CDH20: variants seen among roughly 807,000 people sequenced by gnomAD.
CDH20 encodes the protein cadherin-20.
In CDH20, 29 loss-of-function variants were observed where a neutral mutation model predicts 74.2. The ratio of observed to expected loss-of-function variants is 0.39; its 90% CI spans 0.29 to 0.53. The LOEUF is 0.53. Ranked by LOEUF, CDH20 falls within the 20% of genes least tolerant of loss-of-function variation. CDH20 has a pLI of 0.69. For synonymous variants in CDH20, 469 were observed against 405.4 expected, an observed-to-expected ratio of 1.16 and a Z score of -1.88; for missense variants, 988 against 1,048.3, an observed-to-expected ratio of 0.94 and a Z score of 0.79.
rs1240016370 is a variant in CDH20, at chr18:61,554,604, A to G, written c.2315A>G (p.Gln772Arg). 5 of 1,608,672 alleles carry G rather than the reference A, an allele frequency of 3.1e-6. No individual in the cohort carries two copies. Among genetic ancestry groups the G allele is most frequent in the South Asian group, 1.1e-5 (1 of 90,176 alleles). Residue 772 changes from glutamine to arginine, a missense_variant, in exon 12 of 12, where the codon CAG becomes CGG. Physicochemically the swap from Gln to Arg is conservative, Grantham distance 43 (BLOSUM62 1). Transcript: ENST00000262717. ...SLQSATSDSE[Q>R]SFDFLTDWGP... ...CAGTCGGCCACGTCGGACTCGGAAC[A>G]GAGCTTCGACTTCCTGACGGACTGG...
chr18:61,369,139 C>A (rs143039439), intron 1 of CDH20, among the ~76,000 whole-genome samples: 1 of 151,788 alleles, frequency 6.6e-6, no homozygotes, highest in Admixed American at 6.6e-5. Flanking sequence ...ACTCTGCATC[C>A]GGTGGATATG....
intron 6 of CDH20, among the ~76,000 whole-genome samples, chr18:61,508,961 A>G (rs568869999): frequency 5.3e-5 from 8 of 152,184 alleles, no homozygotes; most frequent in Non-Finnish European, 1.2e-4. Context: ...ATTCTAAGTG[A>G]TGTAACTCCA....
At chr18:61,440,379 G>T (rs1908988468) in intron 1 of CDH20, among the ~76,000 whole-genome samples, 1 of 152,104 alleles carries the variant, frequency 6.6e-6, no homozygotes, top group African/African-American at 2.4e-5. Context: ...AACGCTATCA[G>T]AGAAATAAAA....
Position 61,554,739 on chromosome 18 carries a change from C to A in CDH20, c.*44C>A. ...CGCGCGTCCAAATCCAGACGTTCTCCGCGGGTGCTTCGCGGACAAGGTGCA... is the reference window on the plus strand; with the variant it reads ...CGCGCGTCCAAATCCAGACGTTCTCAGCGGGTGCTTCGCGGACAAGGTGCA... On this transcript the variant is annotated 3_prime_UTR_variant, in exon 12 of 12. Transcript: ENST00000262717. 6.7e-7 allele frequency: 1 copy of A among 1,493,196 alleles called. No homozygotes were observed. The highest frequency in any genetic ancestry group is 8.9e-7 in the Non-Finnish European group (1 of 1,121,322). 92.5% of individuals were successfully genotyped at this position (1,493,196 alleles called of 1,614,324 possible).
rs144049380 is a variant in CDH20 at position 61,472,727 on chromosome 18, T to C, written c.-152-17675T>C. Among the ~76,000 whole-genome samples the C allele has an allele frequency of 7.9e-5, 12 of 152,338 alleles. No homozygotes were observed. In the East Asian group the frequency reaches 1.9e-3, roughly 25 times the overall value. ...TGAGATAATCATTTTAAATTATTATTGGGTGGCTGTTAATTGTAGTCACTA... is the reference window on the plus strand; with the variant it reads ...TGAGATAATCATTTTAAATTATTATCGGGTGGCTGTTAATTGTAGTCACTA... On this transcript the variant is annotated intron_variant, in intron 1 of 11. Coordinates refer to ENST00000262717, the MANE Select transcript of CDH20 (RefSeq NM_031891.4).
At chr18:61,514,106 G>A (rs970086141) in intron 6 of CDH20, among the ~76,000 whole-genome samples, 2 of 152,080 alleles carry the variant, frequency 1.3e-5, no homozygotes, top group African/African-American at 4.8e-5. Context: ...TTCCAACTTG[G>A]TTCCATTCTC....
chr18:61,509,033 A>G (rs1016815284), intron 6 of CDH20, among the ~76,000 whole-genome samples: 5 of 152,200 alleles, frequency 3.3e-5, no homozygotes, highest in Non-Finnish European at 5.9e-5. Context: ...TTGAGGGCGT[A>G]AAGGCATAAG....
Position 61,554,443 on chromosome 18 carries a change from G to C in CDH20, c.2154G>C (p.Val718=). The change falls in exon 12 of 12, where the codon GTG becomes GTC. Residue 718 remains valine, a synonymous_variant. Transcript: ENST00000262717. ...GCTACGTGCCTCAGACGTGCGCAGT[G>C]AACAGCACTGTCCACAGCTACGTGC... ...LSRYVPQTCA[V]NSTVHSYVLA... 1 of 1,613,342 alleles carries C rather than the reference G, an allele frequency of 6.2e-7. No homozygotes were observed. Among genetic ancestry groups the C allele is most frequent in the Non-Finnish European group, 8.5e-7 (1 of 1,179,954 alleles).
intron 1 of CDH20, among the ~76,000 whole-genome samples, chr18:61,358,915 C>T (rs1908593): frequency 0.55 from 83,027 of 151,814 alleles, 22,685 homozygotes; most frequent in African/African-American, 0.57. Flanking sequence ...ATAATAAATA[C>T]TGGTGCAATG....
chr18:61,375,648 T>G (rs1599044366), intron 1 of CDH20, among the ~76,000 whole-genome samples: 1 of 152,232 alleles, frequency 6.6e-6, no homozygotes, highest in Non-Finnish European at 1.5e-5. Context: ...AGTCAACTCC[T>G]TCTTCATCCT....
rs757876911 is a variant in CDH20, at chr18:61,539,017, C to T, written c.1409-7C>T. On this transcript the variant is annotated splice_polypyrimidine_tract_variant and splice_region_variant and intron_variant, in intron 8 of 11. Coordinates refer to ENST00000262717, the MANE Select transcript of CDH20 (RefSeq NM_031891.4). ...CTCAGATTTGGTTTTCCTTGTGTTC[C>T]CTTTAGACAATCCCTCCCAGGTTGG... 1.2e-6 allele frequency: 2 copies of T among 1,612,938 alleles called. No homozygotes were observed. Among genetic ancestry groups the T allele is most frequent in the Non-Finnish European group, 1.7e-6 (2 of 1,179,566 alleles).
chr18:61,402,305 G>A (rs944238847), intron 1 of CDH20, among the ~76,000 whole-genome samples: 1 of 152,132 alleles, frequency 6.6e-6, no homozygotes, highest in Non-Finnish European at 1.5e-5. Context: ...TCACCCTGCT[G>A]TAACTTGGGC....
intron 1 of CDH20, among the ~76,000 whole-genome samples, chr18:61,373,640 G>T (rs1267776245): frequency 2.6e-5 from 4 of 152,238 alleles, no homozygotes; most frequent in Non-Finnish European, 5.9e-5. Flanking sequence ...ACAGAAGAAA[G>T]TATAACACAA....
intron 1 of CDH20, among the ~76,000 whole-genome samples, chr18:61,467,735 T>A (rs1910012742): frequency 6.6e-6 from 1 of 152,188 alleles, no homozygotes; most frequent in African/African-American, 2.4e-5. Context: ...GATTTCATGC[T>A]TATAGCAACC....
chr18:61,422,689 T>TA (rs1457766679), intron 1 of CDH20, among the ~76,000 whole-genome samples: 4 of 151,790 alleles, frequency 2.6e-5, no homozygotes, highest in Non-Finnish European at 4.4e-5. Flanking sequence ...TGACATTTAA[T>TA]AAAAAATTAC....
chr18:61,386,359 T>C (rs189267594), intron 1 of CDH20, among the ~76,000 whole-genome samples: 14 of 152,298 alleles, frequency 9.2e-5, no homozygotes, highest in African/African-American at 3.1e-4. Context: ...AGAGAGACAC[T>C]CTCACCCTTC....
In CDH20 at chr18:61,554,299, C is replaced by G; in HGVS notation, c.2010C>G (p.Gly670=). Residue 670 remains glycine, a synonymous_variant, in exon 12 of 12, where the codon GGC becomes GGG. Coordinates refer to ENST00000262717, the MANE Select transcript of CDH20 (RefSeq NM_031891.4). ...ENIVRYDDEG[G]GEEDTEAFDI... Reference sequence around the variant, plus strand: ...TCGTCCGCTACGACGACGAGGGCGGCGGCGAGGAGGACACCGAGGCCTTCG... The same window carrying G: ...TCGTCCGCTACGACGACGAGGGCGGGGGCGAGGAGGACACCGAGGCCTTCG... 1 of 1,613,878 alleles carries G rather than the reference C, an allele frequency of 6.2e-7. No homozygotes were observed. Among genetic ancestry groups the G allele is most frequent in the Non-Finnish European group, 8.5e-7 (1 of 1,179,994 alleles).
chr18:61,481,704 AT>A (rs961731771), intron 1 of CDH20, among the ~76,000 whole-genome samples: 1 of 152,004 alleles, frequency 6.6e-6, no homozygotes, highest in Non-Finnish European at 1.5e-5. Context: ...TATCATATTA[AT>A]TTTTTTACAT....
intron 7 of CDH20, among the ~76,000 whole-genome samples, 174 bp downstream of exon 7, chr18:61,528,394 C>A (rs1465170877): frequency 1.4e-5 from 2 of 145,610 alleles, no homozygotes; most frequent in Non-Finnish European, 3.0e-5. Context: ...CATGGCCTTG[C>A]CAGGTTGTTT....
Sources: gnomAD v4.1 joint callset for allele counts (sites outside exome capture counted in the v4.1 genomes callset) on GRCh38, gnomAD v4.1.1 for gene constraint, MANE v1.5 for transcripts, NCBI Gene and HGNC (gene_info 2026-07-23, HGNC 2026-07-21) for gene names.